DSCAML1: variants seen among roughly 807,000 people sequenced by gnomAD.
DSCAML1 encodes DS cell adhesion molecule like 1, also known as cell adhesion molecule DSCAML1.
In DSCAML1, 38 loss-of-function variants were observed where a neutral mutation model predicts 200.5. The ratio of observed to expected loss-of-function variants is 0.19; its 90% CI spans 0.15 to 0.25. DSCAML1 has a LOEUF of 0.25. Ranked by LOEUF, DSCAML1 falls within the 10% of genes least tolerant of loss-of-function variation. The probability of loss-of-function intolerance (pLI) is 1.00; values close to 1 mark genes in which losing one functional copy is unlikely to be tolerated. For synonymous variants in DSCAML1, 1,215 were observed against 1,165.0 expected, an observed-to-expected ratio of 1.04 and a Z score of -0.87; for missense variants, 2,223 against 2,858.8, an observed-to-expected ratio of 0.78 and a Z score of 5.07.
chr11:117,660,321 T>C (rs1377454943), intron 3 of DSCAML1, among the ~76,000 whole-genome samples: 1 of 152,226 alleles, frequency 6.6e-6, no homozygotes, highest in East Asian at 1.9e-4. Flanking sequence ...GAAAGCACCG[T>C]TGAGGAGCCA....
intron 3 of DSCAML1, among the ~76,000 whole-genome samples, chr11:117,663,402 G>A (rs774684234): frequency 8.5e-5 from 13 of 152,126 alleles, no homozygotes; most frequent in Non-Finnish European, 1.6e-4. Context: ...CCCACCAGTG[G>A]TGTCAGTCCT....
intron 4 of DSCAML1, among the ~76,000 whole-genome samples, chr11:117,526,604 C>T (rs558251578): frequency 1.5e-4 from 23 of 152,162 alleles, no homozygotes; most frequent in Non-Finnish European, 2.4e-4. Context: ...CTGCAACCTC[C>T]GCCTCCCGGG....
At chr11:117,547,348 A>C (rs4084228) in intron 3 of DSCAML1, among the ~76,000 whole-genome samples, 54,757 of 152,066 alleles carry the variant, frequency 0.36, 11,241 homozygotes, top group Non-Finnish European at 0.46. Flanking sequence ...ACAGAACCCC[A>C]GTAGCTGCAC....
chr11:117,776,685 A>G, intron 3 of DSCAML1, 106 bp downstream of exon 3: 1 of 1,385,076 alleles, frequency 7.2e-7, no homozygotes, highest in Non-Finnish European at 1.0e-6. Context: ...CCCAGAGCCA[A>G]CCTCAAGATC....
At chr11:117,676,583 T>C (rs2053218725) in intron 3 of DSCAML1, among the ~76,000 whole-genome samples, 1 of 152,206 alleles carries the variant, frequency 6.6e-6, no homozygotes, top group Non-Finnish European at 1.5e-5. Flanking sequence ...GGACCAGTCC[T>C]TCCTAACCCC....
At chr11:117,564,759 T>C (rs543808434) in intron 3 of DSCAML1, among the ~76,000 whole-genome samples, 6 of 116,606 alleles carry the variant, frequency 5.1e-5, no homozygotes, top group East Asian at 4.5e-4. Flanking sequence ...CTCTCTCTCT[T>C]TCTTTCTTTC....
intron 23 of DSCAML1, 60 bp from the exon 24 acceptor site, chr11:117,439,043 G>T (rs1490336919): frequency 6.7e-7 from 1 of 1,492,430 alleles, no homozygotes; most frequent in South Asian, 1.3e-5. Context: ...GGGGTGTGGG[G>T]AGTCCCCCCG....
At chr11:117,650,282 C>A (rs144604515) in intron 3 of DSCAML1, among the ~76,000 whole-genome samples, 1 of 152,212 alleles carries the variant, frequency 6.6e-6, no homozygotes, top group South Asian at 2.1e-4. Flanking sequence ...AGATGCTTCA[C>A]GTATGGACTG....
At chr11:117,461,638 G>A in intron 17 of DSCAML1, 42 bp from the exon 18 acceptor site, 3 of 1,577,382 alleles carry the variant, frequency 1.9e-6, no homozygotes, top group Non-Finnish European at 2.6e-6. Context: ...AGTCAGTCAT[G>A]GATGTGAGTG....
intron 3 of DSCAML1, among the ~76,000 whole-genome samples, chr11:117,593,170 C>T (rs2051292514): frequency 2.0e-5 from 3 of 152,258 alleles, no homozygotes; most frequent in Admixed American, 2.0e-4. Flanking sequence ...CCCACGTGTC[C>T]TGCCCTCGGC....
In DSCAML1 at chr11:117,481,200, C is replaced by T; in HGVS notation, c.2630G>A (p.Arg877Gln). The T allele has an allele frequency of 6.2e-7, 1 of 1,613,840 alleles. No individual in the cohort carries two copies. Among genetic ancestry groups the T allele is most frequent in the Non-Finnish European group, 8.5e-7 (1 of 1,179,972 alleles). ...CHAINSYGED[R>Q]GLIQLTVQEP... ...TTGCACAGTGAGTTGGATCAAGCCC[C>T]GGTCCTCCCCATACGAGTTGATGGC... Residue 877 changes from arginine (R) to glutamine (Q), a missense_variant, in exon 13 of 33, where the codon CGG becomes CAG. Coordinates refer to ENST00000651296, the MANE Select transcript of DSCAML1 (RefSeq NM_020693.4).
intron 4 of DSCAML1, among the ~76,000 whole-genome samples, chr11:117,530,504 C>T (rs1327891276): frequency 6.6e-6 from 1 of 152,186 alleles, no homozygotes; most frequent in Admixed American, 6.5e-5. Context: ...ACGGAGCAGC[C>T]CCGTCCCCTA....
chr11:117,565,104 G>C (rs1019934757), intron 3 of DSCAML1, among the ~76,000 whole-genome samples: 1 of 152,118 alleles, frequency 6.6e-6, no homozygotes, highest in Non-Finnish European at 1.5e-5. Context: ...CACCTGTTCA[G>C]TGCTGCATCC....
chr11:117,737,548 A>T (rs2054340339), intron 3 of DSCAML1, among the ~76,000 whole-genome samples: 1 of 152,224 alleles, frequency 6.6e-6, no homozygotes, highest in African/African-American at 2.4e-5. Context: ...ACAGAGCACC[A>T]ACATGCTGCC....
At chr11:117,756,123 A>G (rs183257104) in intron 3 of DSCAML1, among the ~76,000 whole-genome samples, 3 of 152,362 alleles carry the variant, frequency 2.0e-5, no homozygotes, top group Non-Finnish European at 2.9e-5. Context: ...TAGGAAGTGG[A>G]AAAAAGAAAA....
At chr11:117,779,725 T>C (rs150558547) in intron 2 of DSCAML1, among the ~76,000 whole-genome samples, 384 of 152,240 alleles carry the variant, frequency 2.5e-3, no homozygotes, top group African/African-American at 8.5e-3. Context: ...AAGCAAAATA[T>C]CTACATTGTT....
intron 3 of DSCAML1, among the ~76,000 whole-genome samples, chr11:117,569,048 C>G (rs973242703): frequency 1.3e-5 from 2 of 152,070 alleles, no homozygotes; most frequent in African/African-American, 4.8e-5. Context: ...CAGAACAGAG[C>G]CCTCAGAAAT....
intron 11 of DSCAML1, among the ~76,000 whole-genome samples, chr11:117,488,929 T>C (rs186004039): frequency 6.6e-4 from 101 of 152,370 alleles, no homozygotes; most frequent in African/African-American, 2.1e-3. Flanking sequence ...CGAAGCTCCA[T>C]GGCCTCCCGC....
chr11:117,734,849 G>A (rs1445414254), intron 3 of DSCAML1, among the ~76,000 whole-genome samples: 1 of 152,188 alleles, frequency 6.6e-6, no homozygotes, highest in Admixed American at 6.5e-5. Context: ...GGGATTCAGA[G>A]GATAAGGACG....
Sources: allele counts gnomAD v4.1 joint callset (sites outside exome capture counted in the v4.1 genomes callset), GRCh38; gene constraint gnomAD v4.1.1; transcripts MANE v1.5; gene names NCBI Gene and HGNC (gene_info 2026-07-23, HGNC 2026-07-21).